LRIG1: variants seen among roughly 807,000 people sequenced by gnomAD.
LRIG1 encodes leucine-rich repeats and immunoglobulin-like domains protein 1.
A neutral mutation model predicts 99.2 loss-of-function variants in LRIG1; 48 were observed. The observed-to-expected ratio is 0.48, with a 90% CI of 0.38 to 0.62. LRIG1 has a LOEUF of 0.62. Among genes scored for constraint, LRIG1 ranks in the 20% least tolerant of loss-of-function variants. The pLI is 0.00. For missense variants in LRIG1, 1,646 were observed against 1,434.4 expected (o/e 1.15, Z -2.38); for synonymous variants, 772 against 596.1 (o/e 1.29, Z -4.30).
intron 1 of LRIG1, among the ~76,000 whole-genome samples, chr3:66,470,317 A>T (rs1223855051): frequency 6.6e-6 from 1 of 152,198 alleles, no homozygotes; most frequent in Non-Finnish European, 1.5e-5. Flanking sequence ...TGGCGTCCAG[A>T]GCAGGAAAGA....
At chr3:66,414,888 G>C (rs764953948) in intron 5 of LRIG1, 32 bp downstream of exon 5, 8 of 1,532,992 alleles carry the variant, frequency 5.2e-6, no homozygotes, top group Non-Finnish European at 7.0e-6. Flanking sequence ...AGTTTGGCTA[G>C]CCTTAATTAA....
chr3:66,421,892 C>G (rs1575678145), intron 3 of LRIG1, among the ~76,000 whole-genome samples: 2 of 152,248 alleles, frequency 1.3e-5, no homozygotes, highest in East Asian at 3.8e-4. Context: ...GAAATCTAGG[C>G]AGAGGTTCCC....
intron 1 of LRIG1, among the ~76,000 whole-genome samples, chr3:66,497,923 A>G (rs1287393431): frequency 6.6e-6 from 1 of 152,154 alleles, no homozygotes; most frequent in Non-Finnish European, 1.5e-5. Flanking sequence ...TTTCTCCCCT[A>G]AAGTCTTGCT....
Position 66,380,831 on chromosome 3 carries a change from C to CA in LRIG1, c.2800dup (p.Cys934LeufsTer38). ...GGAGTAACAGTCCACTTCGGTGTTG[C>CA]AGTCACTGCATACGACCCGGCCACC... On this transcript the variant is annotated frameshift_variant, in exon 18 of 19. Coordinates refer to ENST00000273261, the MANE Select transcript of LRIG1 (RefSeq NM_015541.3). LOFTEE classifies it high-confidence loss of function. The CA allele has an allele frequency of 1.2e-6, 2 of 1,614,236 alleles. No individual in the cohort carries two copies. The highest frequency in any genetic ancestry group is 1.7e-6 in the Non-Finnish European group (2 of 1,180,052).
chr3:66,487,222 C>T (rs913083318), intron 1 of LRIG1, among the ~76,000 whole-genome samples: 2 of 152,210 alleles, frequency 1.3e-5, no homozygotes, highest in Non-Finnish European at 2.9e-5. Flanking sequence ...GCTATGACTT[C>T]TCATTGAGGG....
chr3:66,388,268 C>T (rs1317346073), intron 12 of LRIG1, among the ~76,000 whole-genome samples: 2 of 151,566 alleles, frequency 1.3e-5, no homozygotes. Flanking sequence ...ACTGAGCTGG[C>T]AGAAGGAGGG....
intron 9 of LRIG1, chr3:66,404,388 A>G: frequency 7.9e-7 from 1 of 1,260,536 alleles, no homozygotes; most frequent in Non-Finnish European, 1.0e-6. Flanking sequence ...CTTCCCTCCG[A>G]GCTGCTAGTA....
At chr3:66,386,330 G>T (rs143359414) in intron 12 of LRIG1, 29 bp from the exon 13 acceptor site, 5 of 1,592,448 alleles carry the variant, frequency 3.1e-6, no homozygotes, top group East Asian at 2.2e-5. Context: ...ACTGTAAAGC[G>T]CTGGGTTCTT....
intron 3 of LRIG1, among the ~76,000 whole-genome samples, chr3:66,438,887 C>T (rs1250745313): frequency 1.3e-5 from 2 of 152,224 alleles, no homozygotes; most frequent in African/African-American, 4.8e-5. Context: ...CCCATGAGGC[C>T]ACCAAGGCAG....
At chr3:66,435,905 G>A (rs370685618) in intron 3 of LRIG1, among the ~76,000 whole-genome samples, 9 of 152,260 alleles carry the variant, frequency 5.9e-5, no homozygotes, top group African/African-American at 2.2e-4. Flanking sequence ...AGTTCCCAGT[G>A]GAATCAGCCT....
intron 3 of LRIG1, among the ~76,000 whole-genome samples, chr3:66,447,865 G>A (rs1479149548): frequency 3.3e-5 from 5 of 152,150 alleles, no homozygotes; most frequent in African/African-American, 4.8e-5. Context: ...TGTGGGAATC[G>A]TAACTTGAGT....
At chr3:66,388,399 A>G (rs1428352311) in intron 12 of LRIG1, among the ~76,000 whole-genome samples, 1 of 152,144 alleles carries the variant, frequency 6.6e-6, no homozygotes, top group Admixed American at 6.5e-5. Flanking sequence ...AACAACATAC[A>G]AATCATGGGA....
chr3:66,390,241 C>T (rs1701562971), intron 12 of LRIG1, among the ~76,000 whole-genome samples: 2 of 151,880 alleles, frequency 1.3e-5, no homozygotes, highest in African/African-American at 2.4e-5. Flanking sequence ...TACTGAAAAA[C>T]TTAGAATAAA....
intron 5 of LRIG1, 25 bp from the exon 6 acceptor site, chr3:66,413,039 CAG>C: frequency 1.9e-6 from 3 of 1,614,054 alleles, no homozygotes; most frequent in Non-Finnish European, 2.5e-6. Flanking sequence ...CCAGCAGGGT[CAG>C]AGTGTCTTAT....
At chr3:66,427,738 T>A (rs1413891636) in intron 3 of LRIG1, among the ~76,000 whole-genome samples, 2 of 152,188 alleles carry the variant, frequency 1.3e-5, no homozygotes, top group African/African-American at 4.8e-5. Context: ...TATAAAGGAT[T>A]TTTACAAAAT....
At chr3:66,465,207 A>G (rs566825979) in intron 1 of LRIG1, among the ~76,000 whole-genome samples, 3 of 152,148 alleles carry the variant, frequency 2.0e-5, no homozygotes, top group Non-Finnish European at 4.4e-5. Context: ...AAGTGGGCCT[A>G]AAGAGTGGAG....
chr3:66,400,990 C>T (rs1298984783), intron 9 of LRIG1, among the ~76,000 whole-genome samples: 1 of 152,188 alleles, frequency 6.6e-6, no homozygotes, highest in Non-Finnish European at 1.5e-5. Context: ...CAGAAACAGA[C>T]TCCCTCCCTG....
At chr3:66,420,702 T>C (rs1336982155) in intron 3 of LRIG1, among the ~76,000 whole-genome samples, 1 of 152,218 alleles carries the variant, frequency 6.6e-6, no homozygotes, top group Non-Finnish European at 1.5e-5. Flanking sequence ...AGACAAATGC[T>C]GTATGGTCCA....
chr3:66,457,410 C>T (rs972188457), intron 2 of LRIG1, among the ~76,000 whole-genome samples: 11 of 151,970 alleles, frequency 7.2e-5, no homozygotes, highest in Non-Finnish European at 4.4e-5. Flanking sequence ...TTCATCTCAT[C>T]CATCTCACAG....
Sources: gnomAD v4.1 joint callset for allele counts (sites outside exome capture counted in the v4.1 genomes callset) on GRCh38, gnomAD v4.1.1 for gene constraint, MANE v1.5 for transcripts, NCBI Gene and HGNC (gene_info 2026-07-23, HGNC 2026-07-21) for gene names.